MGAT4A: variants seen among roughly 807,000 people sequenced by gnomAD.
MGAT4A encodes the protein alpha-1,3-mannosyl-glycoprotein 4-beta-N-acetylglucosaminyltransferase A.
Under a neutral mutation model 74.1 loss-of-function variants are expected in MGAT4A, and 33 were observed. The observed-to-expected ratio is 0.45, with a 90% CI of 0.34 to 0.60. The LOEUF is 0.60. Ranked by LOEUF, MGAT4A falls within the 20% of genes least tolerant of loss-of-function variation. The pLI, the probability that MGAT4A is intolerant of heterozygous loss-of-function variation, is 0.02. For missense variants in MGAT4A, 479 were observed against 628.3 expected, an observed-to-expected ratio of 0.76 and a Z score of 2.54; for synonymous variants, 198 against 210.4, an observed-to-expected ratio of 0.94 and a Z score of 0.51.
At chr2:98,652,221 C>A (rs1051086937) in intron 8 of MGAT4A, among the ~76,000 whole-genome samples, 1 of 152,026 alleles carries the variant, frequency 6.6e-6, no homozygotes. Flanking sequence ...ACCCGACAGA[C>A]ATAAAGAACA....
chr2:98,672,343 C>T (rs897953703), intron 4 of MGAT4A, among the ~76,000 whole-genome samples: 1 of 152,218 alleles, frequency 6.6e-6, no homozygotes, highest in African/African-American at 2.4e-5. Context: ...CTCCACAAGA[C>T]TCGGAACCAC....
intron 2 of MGAT4A, among the ~76,000 whole-genome samples, chr2:98,708,382 T>G (rs1488985025): frequency 6.6e-6 from 1 of 152,194 alleles, no homozygotes; most frequent in Non-Finnish European, 1.5e-5. Context: ...TTTATTTTAA[T>G]GAAAAGCCAT....
intron 1 of MGAT4A, 64 bp downstream of exon 1, chr2:98,730,984 C>A (rs1172524395): frequency 1.4e-5 from 2 of 146,096 alleles, no homozygotes; most frequent in African/African-American, 4.9e-5. Context: ...CCGCGCCCTC[C>A]GCGCAGCCGC....
chr2:98,676,206 G>A (rs561925575), intron 3 of MGAT4A, among the ~76,000 whole-genome samples: 4 of 152,142 alleles, frequency 2.6e-5, no homozygotes, highest in East Asian at 1.9e-4. Context: ...AAAAATTCAC[G>A]AAAGAAATGC....
At chr2:98,641,659 G>A (rs1701412135) in intron 10 of MGAT4A, among the ~76,000 whole-genome samples, 1 of 149,564 alleles carries the variant, frequency 6.7e-6, no homozygotes, top group Non-Finnish European at 1.5e-5. Context: ...CTAGGCCACG[G>A]AGCGAGACTC....
intron 14 of MGAT4A, among the ~76,000 whole-genome samples, chr2:98,627,985 A>G (rs933868029): frequency 6.6e-6 from 1 of 152,220 alleles, no homozygotes; most frequent in Non-Finnish European, 1.5e-5. Context: ...ATAAATAACC[A>G]TAGGCTTTAA....
At chr2:98,636,102 C>T (rs754779046) in intron 13 of MGAT4A, among the ~76,000 whole-genome samples, 3 of 151,904 alleles carry the variant, frequency 2.0e-5, no homozygotes, top group Non-Finnish European at 4.4e-5. Flanking sequence ...AAGTGATTCT[C>T]GTGCCTCAGC....
intron 4 of MGAT4A, among the ~76,000 whole-genome samples, chr2:98,665,429 A>G (rs189114322): frequency 3.3e-5 from 5 of 152,200 alleles, no homozygotes; most frequent in Admixed American, 2.6e-4. Context: ...TAAGATGCGA[A>G]AGGTTTAAGG....
At chr2:98,632,511 A>C (rs115905976) in intron 14 of MGAT4A, among the ~76,000 whole-genome samples, 258 of 152,296 alleles carry the variant, frequency 1.7e-3, no homozygotes, top group Non-Finnish European at 3.4e-3. Flanking sequence ...AACATCTCTA[A>C]TTGCTTAACA....
Position 98,621,623 on chromosome 2 carries a change from T to C in MGAT4A, c.*3943A>G, listed in dbSNP as rs1701062043. The C allele has an allele frequency of 6.7e-7, 1 of 1,488,654 alleles. No homozygotes were observed. Among genetic ancestry groups the C allele is most frequent in the Non-Finnish European group, 9.0e-7 (1 of 1,116,562 alleles). The allele number at this position is 1,488,654 out of a possible 1,614,324, so 92.2% of individuals were successfully genotyped here. ...ACCCATGCTCAAAGTGGGAGGATAT[T>C]ATACAAGGTCATTGGTGGGGGTGTC... On this transcript the variant is annotated 3_prime_UTR_variant, in exon 16 of 16. Transcript: ENST00000393487.
Position 98,639,890 on chromosome 2 carries a change from C to T in MGAT4A, c.1240G>A (p.Gly414Arg), listed in dbSNP as rs200044659. ...GTGATAGCCCAGAAGAAATCCTCTC[C>T]CATGTAAGTTTTCTCCAGCGTATGC... ...QGHTLEKTYMGEDFFWAITPI... is the reference protein window; with the variant it reads ...QGHTLEKTYMREDFFWAITPI... Residue 414 changes from glycine (G) to arginine (R), a missense_variant, in exon 12 of 16, where the codon GGA becomes AGA. Transcript: ENST00000393487. 1.1e-5 allele frequency: 17 copies of T among 1,614,000 alleles called. No homozygotes were observed. The highest frequency in any genetic ancestry group is 3.4e-6 in the Non-Finnish European group (4 of 1,180,014).
intron 3 of MGAT4A, 55 bp downstream of exon 3, chr2:98,678,249 A>AAAAAAAAAATATAT (rs67023324): frequency 6.4e-5 from 17 of 263,860 alleles, no homozygotes; most frequent in Non-Finnish European, 7.7e-5. Flanking sequence ...AAAAAAAAAA[A>AAAAAAAAAATATAT]ATATATATAT....
chr2:98,691,690 T>C (rs1323180932), intron 2 of MGAT4A, among the ~76,000 whole-genome samples: 2 of 152,214 alleles, frequency 1.3e-5, no homozygotes, highest in African/African-American at 4.8e-5. Flanking sequence ...TTTTAGAGTA[T>C]ACTCCTTCTG....
intron 10 of MGAT4A, among the ~76,000 whole-genome samples, chr2:98,641,995 CAAA>C (rs576834542): frequency 1.6e-4 from 11 of 70,944 alleles, no homozygotes; most frequent in Admixed American, 4.8e-4. Context: ...AACTCTGTCT[CAAA>C]AAAAAAAAAA....
At chr2:98,664,865 C>T (rs1443871007) in intron 4 of MGAT4A, among the ~76,000 whole-genome samples, 3 of 152,112 alleles carry the variant, frequency 2.0e-5, no homozygotes, top group Admixed American at 6.6e-5. Flanking sequence ...TTTAGGAACA[C>T]TTATACTGCA....
chr2:98,728,090 G>A (rs1481660134), intron 1 of MGAT4A, among the ~76,000 whole-genome samples: 1 of 152,148 alleles, frequency 6.6e-6, no homozygotes, highest in Non-Finnish European at 1.5e-5. Context: ...CCAACTGTAA[G>A]TGTAAATTAA....
Position 98,622,029 on chromosome 2 carries a change from A to C in MGAT4A, c.*3537T>G. 1.0e-6 allele frequency: 1 copy of C among 987,040 alleles called. No homozygotes were observed. The highest frequency in any genetic ancestry group is 1.2e-6 in the Non-Finnish European group (1 of 831,090). The allele number at this position is 987,040 out of a possible 1,614,324, so 61.1% of individuals were successfully genotyped here. ...TTCAATCACACTGTCTGTTCTGACTACACAGTATGGTACAGCGCGTGATGT... is the reference window on the plus strand; with the variant it reads ...TTCAATCACACTGTCTGTTCTGACTCCACAGTATGGTACAGCGCGTGATGT... On this transcript the variant is annotated 3_prime_UTR_variant, in exon 16 of 16. Transcript: ENST00000393487.
At chr2:98,699,199 T>C (rs1309190206) in intron 2 of MGAT4A, among the ~76,000 whole-genome samples, 4 of 152,234 alleles carry the variant, frequency 2.6e-5, no homozygotes, top group African/African-American at 7.2e-5. Context: ...CGAAAGCTCA[T>C]TGGAGACTCA....
intron 4 of MGAT4A, among the ~76,000 whole-genome samples, chr2:98,663,911 A>G (rs556073882): frequency 8.5e-5 from 13 of 152,310 alleles, no homozygotes; most frequent in African/African-American, 3.1e-4. Flanking sequence ...GGGTAAGGGC[A>G]TATGAAAACT....
Sources: allele counts gnomAD v4.1 joint callset (sites outside exome capture counted in the v4.1 genomes callset), GRCh38; gene constraint gnomAD v4.1.1; transcripts MANE v1.5; gene names NCBI Gene and HGNC (gene_info 2026-07-23, HGNC 2026-07-21).